CDKAL1: variants seen among roughly 807,000 people sequenced by gnomAD.
CDKAL1 encodes the protein CDKAL1 threonylcarbamoyladenosine tRNA methylthiotransferase.
A neutral mutation model predicts 68.2 loss-of-function variants in CDKAL1; 32 were observed. The ratio of observed to expected loss-of-function variants is 0.47; its 90% confidence interval spans 0.35 to 0.63. The LOEUF is 0.63. CDKAL1 is among the 30% of genes least tolerant of loss of function. CDKAL1 has a pLI of 0.00. For synonymous variants in CDKAL1, 234 were observed against 244.3 expected (o/e 0.96, Z 0.39); for missense variants, 606 against 696.7 (o/e 0.87, Z 1.47).
At chr6:20,916,788 C>G (rs755914480) in intron 9 of CDKAL1, among the ~76,000 whole-genome samples, 1 of 152,148 alleles carries the variant, frequency 6.6e-6, no homozygotes, top group Non-Finnish European at 1.5e-5. Context: ...CTTCTACCAT[C>G]TCCTTTCTAT....
At position 21,128,144 on chromosome 6, in the gene CDKAL1, G is replaced by C. The variant is rs111391700; in HGVS notation, c.1299+19681G>C. 9.0e-4 allele frequency among the ~76,000 whole-genome samples: 137 copies of C among 152,274 alleles called. 3 individuals are homozygous for C. Among genetic ancestry groups the C allele is most frequent in the African/African-American group, 3.1e-3 (130 of 41,574 alleles). ...ACATGTTCAGTGGAAACTGTACTTG[G>C]AGTTTTAATATGACCATCCTGTTTT... On this transcript the variant is annotated intron_variant, in intron 13 of 15. Transcript: ENST00000274695.
intron 5 of CDKAL1, among the ~76,000 whole-genome samples, chr6:20,724,595 T>C (rs1772556227): frequency 6.6e-6 from 1 of 152,096 alleles, no homozygotes; most frequent in Non-Finnish European, 1.5e-5. Flanking sequence ...TGCGTGCCTG[T>C]AGTCCCAGCT....
intron 5 of CDKAL1, among the ~76,000 whole-genome samples, chr6:20,692,796 A>G (rs1770927353): frequency 6.6e-6 from 1 of 152,022 alleles, no homozygotes; most frequent in African/African-American, 2.4e-5. Flanking sequence ...AGTGGTCACA[A>G]TGTAGAGAAA....
chr6:20,739,409 A>G, intron 5 of CDKAL1, 110 bp from the exon 6 acceptor site: 2 of 599,204 alleles, frequency 3.3e-6, no homozygotes, highest in Non-Finnish European at 2.9e-6. Context: ...ATCTTGTTTC[A>G]TGTGAGATAG....
intron 9 of CDKAL1, among the ~76,000 whole-genome samples, chr6:20,896,463 C>A (rs186083169): frequency 6.6e-6 from 1 of 152,076 alleles, no homozygotes; most frequent in African/African-American, 2.4e-5. Flanking sequence ...GATAAGAAAT[C>A]TTGACCAAAA....
intron 4 of CDKAL1, among the ~76,000 whole-genome samples, chr6:20,589,697 A>G (rs1244248093): frequency 7.6e-6 from 1 of 132,236 alleles, no homozygotes; most frequent in Admixed American, 7.2e-5. Context: ...TAATTATTTT[A>G]TTAGTTTTTC....
At chr6:20,890,986 A>C (rs1761363519) in intron 9 of CDKAL1, among the ~76,000 whole-genome samples, 1 of 152,166 alleles carries the variant, frequency 6.6e-6, no homozygotes, top group South Asian at 2.1e-4. Flanking sequence ...AGGTGCTGCA[A>C]TTATCTCCTT....
intron 7 of CDKAL1, among the ~76,000 whole-genome samples, chr6:20,766,268 AT>A (rs1180584572): frequency 2.0e-5 from 3 of 152,026 alleles, no homozygotes; most frequent in African/African-American, 7.3e-5. Flanking sequence ...GGACTTGGGT[AT>A]TTCTCTAACT....
intron 4 of CDKAL1, among the ~76,000 whole-genome samples, chr6:20,600,281 G>A (rs1034054407): frequency 6.6e-6 from 1 of 152,054 alleles, no homozygotes; most frequent in African/African-American, 2.4e-5. Flanking sequence ...ATTTATTGGG[G>A]TAGTGAGCTG....
intron 4 of CDKAL1, among the ~76,000 whole-genome samples, chr6:20,617,040 G>GAAAA (rs35481531): frequency 1.5e-5 from 2 of 137,198 alleles, no homozygotes; most frequent in African/African-American, 2.9e-5. Context: ...TTCTGTCTCA[G>GAAAA]AAGAAAAAAA....
intron 5 of CDKAL1, among the ~76,000 whole-genome samples, chr6:20,682,917 T>C (rs1047015130): frequency 6.6e-6 from 1 of 151,904 alleles, no homozygotes; most frequent in Non-Finnish European, 1.5e-5. Flanking sequence ...ACTTTTTCCT[T>C]CCACTTAAAA....
At chr6:21,139,706 C>A (rs950791182) in intron 13 of CDKAL1, among the ~76,000 whole-genome samples, 6 of 152,204 alleles carry the variant, frequency 3.9e-5, no homozygotes, top group African/African-American at 1.2e-4. Context: ...TGGGGTCTCA[C>A]TGTGTTGCCC....
At chr6:20,582,922 T>C (rs1765195196) in intron 4 of CDKAL1, among the ~76,000 whole-genome samples, 1 of 152,156 alleles carries the variant, frequency 6.6e-6, no homozygotes, top group Admixed American at 6.5e-5. Flanking sequence ...ATCCTGTTAC[T>C]TAGGGTAATG....
At position 20,700,755 on chromosome 6, in the gene CDKAL1, A is replaced by G. The variant is rs375140309; in HGVS notation, c.372-38764A>G. Among the ~76,000 whole-genome samples the G allele has an allele frequency of 1.5e-4, 23 of 152,286 alleles. No individual in the cohort carries two copies. In the East Asian group the frequency reaches 4.2e-3, roughly 28 times the overall value. ...GAGAAAGAAAACTGCCCACTGAGCC[A>G]CCTCTTGTATGACTTCAGGACCAGA... On this transcript the variant is annotated intron_variant, in intron 5 of 15. Coordinates refer to ENST00000274695, the MANE Select transcript of CDKAL1 (RefSeq NM_017774.3).
intron 15 of CDKAL1, among the ~76,000 whole-genome samples, chr6:21,218,179 G>C (rs1779409758): frequency 6.6e-6 from 1 of 152,152 alleles, no homozygotes; most frequent in African/African-American, 2.4e-5. Flanking sequence ...TGTAAACATG[G>C]TAGGTAGGGG....
At chr6:20,784,477 GCAGTGGCAC>G (rs1375156970) in intron 8 of CDKAL1, among the ~76,000 whole-genome samples, 1 of 115,388 alleles carries the variant, frequency 8.7e-6, no homozygotes, top group Non-Finnish European at 1.6e-5. Context: ...AGGCTGGAGT[GCAGTGGCAC>G]CATCTCGGCT....
chr6:21,096,624 TTTTG>T (rs1186006629), intron 12 of CDKAL1, among the ~76,000 whole-genome samples: 2 of 152,232 alleles, frequency 1.3e-5, no homozygotes, highest in Admixed American at 6.5e-5. Context: ...TTTTTTAACT[TTTTG>T]TTTAATTATA....
rs557062317 is a variant in CDKAL1 at position 20,817,570 on chromosome 6, G to A, written c.639-28505G>A. ...ATCATGTGCCATGAACACAATGTGCGGGGTGGCCCTGGCAGACTGTTCACA... is the reference window on the plus strand; with the variant it reads ...ATCATGTGCCATGAACACAATGTGCAGGGTGGCCCTGGCAGACTGTTCACA... On this transcript the variant is annotated intron_variant, in intron 8 of 15. Transcript: ENST00000274695. 2.4e-4 allele frequency among the ~76,000 whole-genome samples: 36 copies of A among 152,220 alleles called. 1 individual carries two copies. In the South Asian group the frequency reaches 6.8e-3, roughly 29 times the overall value.
intron 5 of CDKAL1, among the ~76,000 whole-genome samples, chr6:20,683,639 A>G (rs529579289): frequency 6.6e-6 from 1 of 152,296 alleles, no homozygotes; most frequent in East Asian, 1.9e-4. Context: ...GCCCCCACAT[A>G]TCTGCAGCCT....
Sources: gnomAD v4.1 joint callset for allele counts (sites outside exome capture counted in the v4.1 genomes callset) on GRCh38, gnomAD v4.1.1 for gene constraint, MANE v1.5 for transcripts, NCBI Gene and HGNC (gene_info 2026-07-23, HGNC 2026-07-21) for gene names.